Variants in ATRNL1 observed in about 807,000 individuals in gnomAD.
ATRNL1 encodes the protein attractin like 1.
In ATRNL1, 95 loss-of-function variants were observed where a neutral mutation model predicts 182.7. The observed-to-expected ratio is 0.52, with a 90% CI of 0.44 to 0.62. ATRNL1 has a LOEUF of 0.62. ATRNL1 is among the 20% of genes least tolerant of loss of function. ATRNL1 has a pLI of 0.00. For synonymous variants in ATRNL1, 576 were observed against 568.3 expected (o/e 1.01, Z -0.19); for missense variants, 1,471 against 1,679.5 (o/e 0.88, Z 2.17).
intron 21 of ATRNL1, among the ~76,000 whole-genome samples, chr10:115,447,410 A>G (rs1847056053): frequency 6.6e-6 from 1 of 151,798 alleles, no homozygotes; most frequent in East Asian, 1.9e-4. Context: ...TGCAATATAT[A>G]TAATAATCAA....
At chr10:115,356,217 G>A (rs569948914) in intron 19 of ATRNL1, among the ~76,000 whole-genome samples, 14 of 152,126 alleles carry the variant, frequency 9.2e-5, no homozygotes, top group Admixed American at 9.2e-4. Context: ...ACCAAATGAG[G>A]TTGAGCATTT....
intron 5 of ATRNL1, among the ~76,000 whole-genome samples, chr10:115,159,827 C>T (rs1258657719): frequency 6.6e-6 from 1 of 151,558 alleles, no homozygotes; most frequent in Admixed American, 6.6e-5. Flanking sequence ...TTTGAACATC[C>T]AAGTCCGATT....
rs578000709 is a variant in ATRNL1, at chr10:115,739,916, G to A, written c.3903+12561G>A. Among the ~76,000 whole-genome samples the A allele has an allele frequency of 2.6e-5, 4 of 152,006 alleles. No homozygotes were observed. In the South Asian group the frequency reaches 8.3e-4, roughly 31 times the overall value. ...ATAAAATCAGTTACTAATTTAACTT[G>A]TATATCCTTTTTTCTGTTACACGCA... On this transcript the variant is annotated intron_variant, in intron 27 of 28. Coordinates refer to ENST00000355044, the MANE Select transcript of ATRNL1 (RefSeq NM_207303.4).
At chr10:115,451,090 C>T (rs550976756) in intron 21 of ATRNL1, among the ~76,000 whole-genome samples, 19 of 152,236 alleles carry the variant, frequency 1.2e-4, no homozygotes, top group African/African-American at 4.6e-4. Context: ...AAGCTGGACC[C>T]CTTCCTTACA....
intron 19 of ATRNL1, among the ~76,000 whole-genome samples, chr10:115,391,663 C>G (rs2134270066): frequency 6.6e-6 from 1 of 151,386 alleles, no homozygotes; most frequent in South Asian, 2.1e-4. Context: ...GGTATAATCT[C>G]TTGTCTGGAT....
chr10:115,847,586 T>A (rs532847740), intron 27 of ATRNL1, among the ~76,000 whole-genome samples: 28 of 152,204 alleles, frequency 1.8e-4, no homozygotes, highest in Middle Eastern at 3.4e-3. Flanking sequence ...AGATAAACTA[T>A]GCTATGTTAT....
chr10:115,261,190 C>A (rs1374549646), intron 10 of ATRNL1, among the ~76,000 whole-genome samples: 2 of 152,072 alleles, frequency 1.3e-5, no homozygotes, highest in Non-Finnish European at 1.5e-5. Context: ...GGACTAATAC[C>A]TTCAATATCT....
At chr10:115,525,070 C>A (rs946820171) in intron 25 of ATRNL1, among the ~76,000 whole-genome samples, 2 of 152,110 alleles carry the variant, frequency 1.3e-5, no homozygotes, top group Non-Finnish European at 2.9e-5. Context: ...GACTCAGTCA[C>A]CTGATTAGTT....
At chr10:115,518,926 C>T (rs1297996858) in intron 24 of ATRNL1, among the ~76,000 whole-genome samples, 2 of 151,728 alleles carry the variant, frequency 1.3e-5, no homozygotes, top group African/African-American at 4.8e-5. Context: ...GGAGAAAATT[C>T]CCTGTTTTCT....
chr10:115,148,842 C>G (rs1443209925), intron 5 of ATRNL1, among the ~76,000 whole-genome samples: 2 of 151,450 alleles, frequency 1.3e-5, no homozygotes, highest in Non-Finnish European at 2.9e-5. Flanking sequence ...ATCCTCCTCC[C>G]AGGTTCAAGT....
chr10:115,418,301 A>G (rs1592627819), intron 20 of ATRNL1, among the ~76,000 whole-genome samples: 2 of 152,212 alleles, frequency 1.3e-5, no homozygotes, highest in Admixed American at 1.3e-4. Context: ...ATGAAATACA[A>G]TGAATGAAAT....
chr10:115,502,331 G>T (rs1441657674), intron 24 of ATRNL1, among the ~76,000 whole-genome samples: 10 of 151,950 alleles, frequency 6.6e-5, no homozygotes, highest in Non-Finnish European at 1.5e-4. Context: ...GTTAGAAAAA[G>T]ACATAATTTA....
chr10:115,418,487 A>G (rs1845504396), intron 20 of ATRNL1, among the ~76,000 whole-genome samples: 1 of 152,176 alleles, frequency 6.6e-6, no homozygotes, highest in South Asian at 2.1e-4. Context: ...CATTTGTGTT[A>G]TTAGAATTCA....
intron 28 of ATRNL1, among the ~76,000 whole-genome samples, chr10:115,912,154 A>G (rs2245393): frequency 0.99 from 150,230 of 152,242 alleles, 74,150 homozygotes; most frequent in East Asian, 1. Context: ...CAACAAGGCC[A>G]CCAAAGCAAG....
chr10:115,723,946 T>C (rs1947515093), intron 26 of ATRNL1, among the ~76,000 whole-genome samples: 1 of 152,094 alleles, frequency 6.6e-6, no homozygotes, highest in African/African-American at 2.4e-5. Context: ...GATAGTAACA[T>C]CTCTTTAATT....
intron 27 of ATRNL1, among the ~76,000 whole-genome samples, chr10:115,812,342 CTTG>C: frequency 6.6e-6 from 1 of 152,216 alleles, no homozygotes; most frequent in African/African-American, 2.4e-5. Context: ...TTGTTTGGAT[CTTG>C]TTGTCCTATC....
rs377633389 is a variant in ATRNL1, at chr10:115,539,592, G to T, written c.3717-9866G>T. ...GACAGGGTAAAGTCCTCTAGTTCTG[G>T]CCCATGATGTGGAAAAGGGAACTCT... is the stretch of plus-strand genomic sequence containing the variant. On this transcript the variant is annotated intron_variant, in intron 25 of 28. Coordinates refer to ENST00000355044, the MANE Select transcript of ATRNL1 (RefSeq NM_207303.4). Among the ~76,000 whole-genome samples, 25 of 152,256 alleles carry T rather than the reference G, an allele frequency of 1.6e-4. No individual in the cohort carries two copies. In the East Asian group the frequency reaches 2.3e-3, roughly 14 times the overall value.
chr10:115,108,314 A>G (rs1844110456), intron 1 of ATRNL1, among the ~76,000 whole-genome samples: 1 of 152,206 alleles, frequency 6.6e-6, no homozygotes, highest in Non-Finnish European at 1.5e-5. Flanking sequence ...CCTGGGGTTC[A>G]TCATCATGCA....
chr10:115,658,467 C>A (rs1860475089), intron 26 of ATRNL1, among the ~76,000 whole-genome samples: 1 of 151,818 alleles, frequency 6.6e-6, no homozygotes, highest in Non-Finnish European at 1.5e-5. Flanking sequence ...CTATTAGTAT[C>A]CTTCTTCTGT....
Sources: allele counts gnomAD v4.1 joint callset (sites outside exome capture counted in the v4.1 genomes callset), GRCh38; gene constraint gnomAD v4.1.1; transcripts MANE v1.5; gene names NCBI Gene and HGNC (gene_info 2026-07-23, HGNC 2026-07-21).